ULK4: variants seen among roughly 807,000 people sequenced by gnomAD.
ULK4 encodes unc-51 like kinase 4, also known as inactive serine/threonine-protein kinase ULK4.
In ULK4, 133 loss-of-function variants were observed where a neutral mutation model predicts 160.6. The observed-to-expected ratio is 0.83, with a 90% CI of 0.72 to 0.96. ULK4 has a LOEUF of 0.96. Among genes scored for constraint, ULK4 ranks in the 40% least tolerant of loss-of-function variants. ULK4 has a pLI of 0.00. For synonymous variants in ULK4, 534 were observed against 539.8 expected (o/e 0.99, Z 0.15); for missense variants, 1,580 against 1,499.5 (o/e 1.05, Z -0.89).
intron 27 of ULK4, among the ~76,000 whole-genome samples, chr3:41,690,035 C>T (rs2036236056): frequency 6.7e-6 from 1 of 148,254 alleles, no homozygotes; most frequent in South Asian, 2.2e-4. Flanking sequence ...AGACTTGGAA[C>T]CAACCCAAAT....
At chr3:41,942,559 T>A (rs1018531571) in intron 2 of ULK4, among the ~76,000 whole-genome samples, 9 of 152,060 alleles carry the variant, frequency 5.9e-5, no homozygotes, top group Admixed American at 2.0e-4. Flanking sequence ...GGCTCACGCC[T>A]GTAATGCCAG....
At chr3:41,411,492 A>G (rs745643993) in intron 34 of ULK4, among the ~76,000 whole-genome samples, 26 of 149,558 alleles carry the variant, frequency 1.7e-4, no homozygotes, top group Non-Finnish European at 3.2e-4. Flanking sequence ...CAGTGGCGCT[A>G]TCTCAGCTCA....
chr3:41,487,436 A>G (rs1345181084), intron 32 of ULK4, among the ~76,000 whole-genome samples: 3 of 152,296 alleles, frequency 2.0e-5, no homozygotes, highest in South Asian at 2.1e-4. Flanking sequence ...TGCCCTATCA[A>G]ATATCAAAAT....
intron 22 of ULK4, among the ~76,000 whole-genome samples, chr3:41,746,279 A>C (rs1196316296): frequency 1.0e-5 from 1 of 100,094 alleles, no homozygotes; most frequent in Non-Finnish European, 2.2e-5. Context: ...CCACAAAAAA[A>C]AAAAAAAAAA....
chr3:41,877,690 T>C (rs1445176595), intron 17 of ULK4, among the ~76,000 whole-genome samples: 1 of 152,016 alleles, frequency 6.6e-6, no homozygotes, highest in East Asian at 1.9e-4. Context: ...GAATTTTAAA[T>C]CTGAATTGGA....
intron 17 of ULK4, among the ~76,000 whole-genome samples, chr3:41,881,381 CAT>C (rs1166626139): frequency 1.3e-5 from 2 of 149,850 alleles, no homozygotes; most frequent in African/African-American, 5.0e-5. Flanking sequence ...GAAACTGAAA[CAT>C]AAATTCTTAA....
At chr3:41,765,857 T>G (rs2039144713) in intron 21 of ULK4, among the ~76,000 whole-genome samples, 1 of 152,102 alleles carries the variant, frequency 6.6e-6, no homozygotes, top group South Asian at 2.1e-4. Flanking sequence ...AACAGTCCAG[T>G]AAAACAACAA....
intron 31 of ULK4, among the ~76,000 whole-genome samples, chr3:41,608,648 G>GT (rs1407566402): frequency 6.6e-6 from 1 of 152,144 alleles, no homozygotes; most frequent in Non-Finnish European, 1.5e-5. Context: ...CCTGATCACA[G>GT]TAAGCCTTTT....
At chr3:41,288,619 G>A (rs1313465880) in intron 35 of ULK4, among the ~76,000 whole-genome samples, 1 of 152,160 alleles carries the variant, frequency 6.6e-6, no homozygotes, top group Non-Finnish European at 1.5e-5. Context: ...CCTGTATACA[G>A]CTGGATTCTT....
At chr3:41,883,691 A>G (rs1697605389) in intron 17 of ULK4, among the ~76,000 whole-genome samples, 183 bp downstream of exon 17, 1 of 152,246 alleles carries the variant, frequency 6.6e-6, no homozygotes. Context: ...ATGATGGACT[A>G]CATTGTATAT....
chr3:41,680,817 G>C lies in ULK4; in HGVS notation c.2978+691C>G, dbSNP rs895471544. ...ATATTAATGCATGATACACCATCTAGCATTTGTTTGATTTCACAAAATCTT... is the reference window on the plus strand; with the variant it reads ...ATATTAATGCATGATACACCATCTACCATTTGTTTGATTTCACAAAATCTT... On this transcript the variant is annotated intron_variant, in intron 29 of 36. Coordinates refer to ENST00000301831, the MANE Select transcript of ULK4 (RefSeq NM_017886.4). 2.0e-5 allele frequency among the ~76,000 whole-genome samples: 3 copies of C among 152,078 alleles called. No individual in the cohort carries two copies. The East Asian group carries it at 5.8e-4, about 29-fold the overall frequency.
intron 35 of ULK4, among the ~76,000 whole-genome samples, chr3:41,317,836 A>G (rs547235610): frequency 6.6e-6 from 1 of 152,338 alleles, no homozygotes; most frequent in South Asian, 2.1e-4. Flanking sequence ...TGCCACCACC[A>G]GAATACCTTC....
intron 35 of ULK4, among the ~76,000 whole-genome samples, chr3:41,276,868 G>C (rs950468160): frequency 1.3e-5 from 2 of 152,096 alleles, no homozygotes; most frequent in African/African-American, 4.8e-5. Flanking sequence ...TTAAAACAAT[G>C]CAAGATTAAC....
intron 34 of ULK4, among the ~76,000 whole-genome samples, chr3:41,433,121 CAA>C (rs1447212845): frequency 6.6e-6 from 1 of 152,054 alleles, no homozygotes; most frequent in South Asian, 2.1e-4. Context: ...TATTAATATA[CAA>C]AGAGTTCTTA....
Position 41,246,983 on chromosome 3 carries a change from G to A in ULK4, c.3774C>T (p.Ala1258=), listed in dbSNP as rs937510760. Residue 1258 remains alanine (A), a synonymous_variant, in exon 37 of 37, where the codon GCC becomes GCT. Coordinates refer to ENST00000301831, the MANE Select transcript of ULK4 (RefSeq NM_017886.4). ...ERLAPGSGSF[A]DSAVAPLALE... ...GGGCCAAGGGAGCCACCGCACTGTC[G>A]GCAAATGAACTGTAAGAAAAACCAA... 48 of 1,613,794 alleles carry A rather than the reference G, an allele frequency of 3.0e-5. No individual in the cohort carries two copies. The highest frequency in any genetic ancestry group is 2.1e-4 in the African/African-American group (16 of 75,056).
chr3:41,699,799 T>C (rs1343451976), intron 27 of ULK4, among the ~76,000 whole-genome samples: 2 of 152,166 alleles, frequency 1.3e-5, no homozygotes, highest in Admixed American at 6.5e-5. Flanking sequence ...AATTAGAAAA[T>C]TTCTCATGAG....
intron 35 of ULK4, among the ~76,000 whole-genome samples, chr3:41,387,933 C>A (rs915372972): frequency 2.4e-4 from 37 of 152,204 alleles, no homozygotes; most frequent in African/African-American, 8.7e-4. Context: ...GTTCTAGATC[C>A]CTGAGGAATC....
At chr3:41,907,987 A>G (rs3774378) in intron 11 of ULK4, 46 bp from the exon 12 acceptor site, 41,562 of 1,409,920 alleles carry the variant, frequency 0.029, 1,497 homozygotes, top group East Asian at 0.15. Context: ...CAGACAGTTT[A>G]TTCTCTGTTT....
intron 16 of ULK4, among the ~76,000 whole-genome samples, chr3:41,886,495 T>C (rs1697726304): frequency 6.6e-6 from 1 of 151,900 alleles, no homozygotes; most frequent in South Asian, 2.1e-4. Context: ...TAAATCTCAG[T>C]AGAATTAGGC....
Sources: allele counts gnomAD v4.1 joint callset (sites outside exome capture counted in the v4.1 genomes callset), GRCh38; gene constraint gnomAD v4.1.1; transcripts MANE v1.5; gene names NCBI Gene and HGNC (gene_info 2026-07-23, HGNC 2026-07-21).